Variants in RPRML observed in about 807,000 individuals in gnomAD.
RPRML encodes reprimo-like protein.
Under a neutral mutation model 5.2 loss-of-function variants are expected in RPRML, and 4 were observed. That is an observed-to-expected ratio of 0.77 (90% CI 0.38 to 1.76). RPRML has a LOEUF of 1.76. Among genes scored for constraint, RPRML ranks in the 40% most tolerant of loss-of-function variants. The probability of loss-of-function intolerance (pLI) is 0.04; values close to 1 mark genes in which losing one functional copy is unlikely to be tolerated. For synonymous variants in RPRML, 79 were observed against 89.1 expected, an observed-to-expected ratio of 0.89 and a Z score of 0.64; for missense variants, 181 against 177.7, an observed-to-expected ratio of 1.02 and a Z score of -0.11.
At position 46,978,963 on chromosome 17, in the gene RPRML, G is replaced by GTCCACCTCC; in HGVS notation, c.36_44dup (p.Glu12_Val14dup). 6.9e-7 allele frequency: 1 copy of GTCCACCTCC among 1,452,082 alleles called. No individual in the cohort carries two copies. Among genetic ancestry groups the GTCCACCTCC allele is most frequent in the Non-Finnish European group, 9.0e-7 (1 of 1,111,900 alleles). The allele number at this position is 1,452,082 out of a possible 1,614,324, so 89.9% of individuals were successfully genotyped here. The stretch of plus-strand genomic sequence containing the variant: ...CGGCCCCGGCGCCGCCGCCCACGCC[G>GTCCACCTCC]TCCACCTCCTCCAAGCCGCTGTGGT... On this transcript the variant is annotated inframe_insertion, in exon 1 of 1. Coordinates refer to ENST00000322329, the MANE Select transcript of RPRML (RefSeq NM_203400.5).
Position 46,978,846 on chromosome 17 carries a change from C to T in RPRML, c.162G>A (p.Gly54=), listed in dbSNP as rs994939215. Residue 54 remains glycine, a synonymous_variant, in exon 1 of 1, where the codon GGG becomes GGA. Coordinates refer to ENST00000322329, the MANE Select transcript of RPRML (RefSeq NM_203400.5). The part of the protein sequence containing the change: ...PLAASDGVPA[G]LAPDERSLWV... The stretch of plus-strand genomic sequence containing the variant: ...ACAGGCTGCGCTCGTCGGGCGCCAG[C>T]CCCGCGGGGACCCCGTCGCTGGCGG... The T allele has an allele frequency of 4.8e-5, 76 of 1,597,136 alleles. No individual in the cohort carries two copies. The highest frequency in any genetic ancestry group is 6.4e-5 in the Non-Finnish European group (75 of 1,173,572).
chr17:46,978,686 G>A lies in RPRML; in HGVS notation c.322C>T (p.Pro108Ser). Residue 108 changes from proline to serine, a missense_variant, in exon 1 of 1, where the codon CCC becomes TCC. Transcript: ENST00000322329. ...ATGGCTGCGCCCACGTCCTTGGAGG[G>A]CCGGCGCTCCTGCACCAGAAAGTTG... The part of the protein sequence containing the change: ...MINFLVQERR[P>S]SKDVGAAILG... 6.2e-7 allele frequency: 1 copy of A among 1,610,910 alleles called. No homozygotes were observed.
Position 46,979,144 on chromosome 17 carries a change from G to C in RPRML, c.-137C>G. The stretch of plus-strand genomic sequence containing the variant: ...GGGGAGGGGACGAAGGCGGGAGGCT[G>C]GCTGCCTGCGCGCTCTCGGGCCGCC... On this transcript the variant is annotated 5_prime_UTR_variant, in exon 1 of 1. Transcript: ENST00000322329. The C allele has an allele frequency of 1.0e-6, 1 of 957,848 alleles. No individual in the cohort carries two copies. The highest frequency in any genetic ancestry group is 3.4e-5 in the East Asian group (1 of 29,044). The allele number at this position is 957,848 out of a possible 1,614,324, so 59.3% of individuals were successfully genotyped here. A position where few individuals can be genotyped will look rare whatever the true frequency, so the allele number is the denominator to read the frequency against.
rs1368220123 is a variant in RPRML, at chr17:46,978,840, C to T, written c.168G>A (p.Ala56=). 3 of 1,600,954 alleles carry T rather than the reference C, an allele frequency of 1.9e-6. No individual in the cohort carries two copies. The highest frequency in any genetic ancestry group is 1.4e-5 in the African/African-American group (1 of 73,950). The change falls in exon 1 of 1, where the codon GCG becomes GCA. Residue 56 remains alanine, a synonymous_variant. Transcript: ENST00000322329. ...AASDGVPAGL[A]PDERSLWVSR... ...ACACCCACAGGCTGCGCTCGTCGGG[C>T]GCCAGCCCCGCGGGGACCCCGTCGC...
Position 46,978,405 on chromosome 17 carries a change from G to GT in RPRML, c.*239dup, listed in dbSNP as rs1168393199. ...AAAAACAAACAAACAAAAAAAACTGGTAAGAACCCTCACCCCACATTCTCC... is the reference window on the plus strand; with the variant it reads ...AAAAACAAACAAACAAAAAAAACTGGTTAAGAACCCTCACCCCACATTCTCC... On this transcript the variant is annotated 3_prime_UTR_variant, in exon 1 of 1. Coordinates refer to ENST00000322329, the MANE Select transcript of RPRML (RefSeq NM_203400.5). 16 of 491,818 alleles carry GT rather than the reference G, an allele frequency of 3.3e-5. No homozygotes were observed. Among genetic ancestry groups the GT allele is most frequent in the Non-Finnish European group, 5.6e-5 (16 of 286,640 alleles). 30.5% of individuals were successfully genotyped at this position (491,818 alleles called of 1,614,324 possible).
chr17:46,978,344 C>A lies in RPRML; in HGVS notation c.*301G>T. ...GAGCGACCGCAGTCCCAAATTGCAT[C>A]TCCATACCCACTCCCACCCTGCCCC... is the stretch of plus-strand genomic sequence containing the variant. On this transcript the variant is annotated 3_prime_UTR_variant, in exon 1 of 1. Transcript: ENST00000322329. 2.4e-6 allele frequency: 1 copy of A among 409,106 alleles called. No homozygotes were observed. The highest frequency in any genetic ancestry group is 4.3e-6 in the Non-Finnish European group (1 of 230,614). 25.3% of individuals were successfully genotyped at this position (409,106 alleles called of 1,614,324 possible).
chr17:46,978,937 G>C lies in RPRML; in HGVS notation c.71C>G (p.Ala24Gly), dbSNP rs1407707880. 6.9e-7 allele frequency: 1 copy of C among 1,455,764 alleles called. No individual in the cohort carries two copies. The highest frequency in any genetic ancestry group is 9.0e-7 in the Non-Finnish European group (1 of 1,112,762). 90.2% of individuals were successfully genotyped at this position (1,455,764 alleles called of 1,614,324 possible). The change falls in exon 1 of 1, where the codon GCC (alanine) becomes GGC (glycine). Residue 24 changes from alanine to glycine, a missense_variant. Coordinates refer to ENST00000322329, the MANE Select transcript of RPRML (RefSeq NM_203400.5). ...VDGVGGGAGA[A>G]LGNRTHGLGT... ...CAGCCCGTGGGTGCGGTTTCCCAGG[G>C]CGGCCCCGGCGCCGCCGCCCACGCC...
chr17:46,979,033 C>G lies in RPRML; in HGVS notation c.-26G>C. 3 of 1,384,988 alleles carry G rather than the reference C, an allele frequency of 2.2e-6. No homozygotes were observed. The highest frequency in any genetic ancestry group is 7.7e-5 in the Admixed American group (2 of 25,934). The allele number at this position is 1,384,988 out of a possible 1,614,324, so 85.8% of individuals were successfully genotyped here. A position where few individuals can be genotyped will look rare whatever the true frequency, so the allele number is the denominator to read the frequency against. On this transcript the variant is annotated 5_prime_UTR_variant, in exon 1 of 1. Transcript: ENST00000322329. ...CGCCGCGCGGCGCCGGGGGTCTCGGCGCGCAGTCCCGGGTGCACTGGGCTG... is the reference window on the plus strand; with the variant it reads ...CGCCGCGCGGCGCCGGGGGTCTCGGGGCGCAGTCCCGGGTGCACTGGGCTG...
rs919820309 is a variant in RPRML, at chr17:46,978,178, C to A, written c.*467G>T. The A allele has an allele frequency of 9.5e-5, 17 of 179,340 alleles. No homozygotes were observed. Among genetic ancestry groups the A allele is most frequent in the East Asian group, 1.8e-4 (1 of 5,408 alleles). 11.1% of individuals were successfully genotyped at this position (179,340 alleles called of 1,614,324 possible). ...GGGTGGGAAGCTGCCTGAAGCCCTA[C>A]GGCTGCAGTTTTATTACAAGATTTC... On this transcript the variant is annotated 3_prime_UTR_variant, in exon 1 of 1. Coordinates refer to ENST00000322329, the MANE Select transcript of RPRML (RefSeq NM_203400.5).
At position 46,978,664 on chromosome 17, in the gene RPRML, G is replaced by C; in HGVS notation, c.344C>G (p.Ala115Gly). The C allele has an allele frequency of 8.7e-6, 14 of 1,607,948 alleles. No homozygotes were observed. Among genetic ancestry groups the C allele is most frequent in the Non-Finnish European group, 1.2e-5 (14 of 1,177,824 alleles). Residue 115 changes from alanine (A) to glycine (G), a missense_variant, in exon 1 of 1, where the codon GCC (alanine) becomes GGC (glycine). Transcript: ENST00000322329. ...ERRPSKDVGA[A>G]ILGLY is the part of the protein sequence containing the mutation. Reference sequence around the variant, plus strand: ...TGGCGCTCAGTACAGCCCCAGGATGGCTGCGCCCACGTCCTTGGAGGGCCG... The same window carrying C: ...TGGCGCTCAGTACAGCCCCAGGATGCCTGCGCCCACGTCCTTGGAGGGCCG...
Position 46,978,984 on chromosome 17 carries a change from G to T in RPRML, c.24C>A (p.His8Gln), listed in dbSNP as rs2091469587. 2.1e-6 allele frequency: 3 copies of T among 1,444,996 alleles called. No individual in the cohort carries two copies. Among genetic ancestry groups the T allele is most frequent in the South Asian group, 1.4e-5 (1 of 73,098 alleles). 89.5% of individuals were successfully genotyped at this position (1,444,996 alleles called of 1,614,324 possible). The change falls in exon 1 of 1, where the codon CAC (histidine) becomes CAA (glutamine). Residue 8 changes from histidine (H) to glutamine (Q), a missense_variant. Physicochemically the swap from His to Gln is conservative, Grantham distance 24. Coordinates refer to ENST00000322329, the MANE Select transcript of RPRML (RefSeq NM_203400.5). MNATFLN[H>Q]SGLEEVDGVG... ...CGCCGTCCACCTCCTCCAAGCCGCT[G>T]TGGTTCAGGAAGGTCGCGTTCATCG...
chr17:46,978,952 C>A lies in RPRML; in HGVS notation c.56G>T (p.Gly19Val). Reference sequence around the variant, plus strand: ...GTTTCCCAGGGCGGCCCCGGCGCCGCCGCCCACGCCGTCCACCTCCTCCAA... The same window carrying A: ...GTTTCCCAGGGCGGCCCCGGCGCCGACGCCCACGCCGTCCACCTCCTCCAA... ...SGLEEVDGVG[G>V]GAGAALGNRT... The change falls in exon 1 of 1, where the codon GGC (glycine) becomes GTC (valine). Residue 19 changes from glycine to valine, a missense_variant. By Grantham distance (109) the Gly-to-Val change is moderately radical. Transcript: ENST00000322329. The A allele has an allele frequency of 6.9e-7, 1 of 1,454,070 alleles. No homozygotes were observed. The allele number at this position is 1,454,070 out of a possible 1,614,324, so 90.1% of individuals were successfully genotyped here. A position where few individuals can be genotyped will look rare whatever the true frequency, so the allele number is the denominator to read the frequency against.
At position 46,979,223 on chromosome 17, in the gene RPRML, G is replaced by A; in HGVS notation, c.-216C>T. On this transcript the variant is annotated 5_prime_UTR_variant, in exon 1 of 1. Transcript: ENST00000322329. Reference sequence around the variant, plus strand: ...CGCCCGGAGGAGCGAGCAACAGGCGGCGCAGGAGCTGGAGCCGGAGAACCT... The same window carrying A: ...CGCCCGGAGGAGCGAGCAACAGGCGACGCAGGAGCTGGAGCCGGAGAACCT... 1 of 431,102 alleles carries A rather than the reference G, an allele frequency of 2.3e-6. No homozygotes were observed. The highest frequency in any genetic ancestry group is 4.1e-6 in the Non-Finnish European group (1 of 243,692). 26.7% of individuals were successfully genotyped at this position (431,102 alleles called of 1,614,324 possible).
In RPRML at chr17:46,978,843, C is replaced by T; in HGVS notation, c.165G>A (p.Leu55=). ...CCCACAGGCTGCGCTCGTCGGGCGC[C>T]AGCCCCGCGGGGACCCCGTCGCTGG... ...LAASDGVPAG[L]APDERSLWVS... The change falls in exon 1 of 1, where the codon CTG becomes CTA. Residue 55 remains leucine, a synonymous_variant. Transcript: ENST00000322329. 1 of 1,600,654 alleles carries T rather than the reference C, an allele frequency of 6.2e-7. No homozygotes were observed. Among genetic ancestry groups the T allele is most frequent in the South Asian group, 1.1e-5 (1 of 89,594 alleles).
rs959252146 is a variant in RPRML, at chr17:46,978,544, C to A, written c.*101G>T. On this transcript the variant is annotated 3_prime_UTR_variant, in exon 1 of 1. Coordinates refer to ENST00000322329, the MANE Select transcript of RPRML (RefSeq NM_203400.5). ...CCCGGGCGCCCCAGGCACGTAGCTG[C>A]CCGCCCGGAGGCGGCGGCAGAGCGC... 7.0e-6 allele frequency: 10 copies of A among 1,421,288 alleles called. No homozygotes were observed. Among genetic ancestry groups the A allele is most frequent in the Non-Finnish European group, 9.3e-6 (10 of 1,071,316 alleles). 88.0% of individuals were successfully genotyped at this position (1,421,288 alleles called of 1,614,324 possible).
Position 46,978,894 on chromosome 17 carries a change from G to T in RPRML, c.114C>A (p.Cys38Ter). 1 of 1,523,840 alleles carries T rather than the reference G, an allele frequency of 6.6e-7. No homozygotes were observed. 94.4% of individuals were successfully genotyped at this position (1,523,840 alleles called of 1,614,324 possible). ...CGGCCAGCGGTGCGCCCCCTGGACA[G>T]CAGCCCAGCCACGTGCCCAGCCCGT... ...RTHGLGTWLG[C>*]CPGGAPLAAS... Residue 38 changes from cysteine (C) to a stop codon, truncating the protein, a stop_gained, in exon 1 of 1, where the codon TGC (cysteine) becomes TGA (stop). Coordinates refer to ENST00000322329, the MANE Select transcript of RPRML (RefSeq NM_203400.5). LOFTEE classifies it high-confidence loss of function.
At position 46,978,348 on chromosome 17, in the gene RPRML, A is replaced by G. The variant is rs998807932; in HGVS notation, c.*297T>C. On this transcript the variant is annotated 3_prime_UTR_variant, in exon 1 of 1. Transcript: ENST00000322329. The stretch of plus-strand genomic sequence containing the variant: ...GACCGCAGTCCCAAATTGCATCTCC[A>G]TACCCACTCCCACCCTGCCCCGAAC... 1.7e-5 allele frequency: 7 copies of G among 421,210 alleles called. No homozygotes were observed. Among genetic ancestry groups the G allele is most frequent in the African/African-American group, 4.3e-5 (2 of 46,906 alleles). The allele number at this position is 421,210 out of a possible 1,614,324, so 26.1% of individuals were successfully genotyped here.
In RPRML at chr17:46,978,812, G is replaced by T. The variant is rs370389910; in HGVS notation, c.196C>A (p.Arg66=). Reference sequence around the variant, plus strand: ...CAGAGCACGGCGATCTGCGCCACCCGCGACACCCACAGGCTGCGCTCGTCG... The same window carrying T: ...CAGAGCACGGCGATCTGCGCCACCCTCGACACCCACAGGCTGCGCTCGTCG... The part of the protein sequence containing the change: ...APDERSLWVS[R]VAQIAVLCVL... The change falls in exon 1 of 1, where the codon CGG becomes AGG. Residue 66 remains arginine (R), a synonymous_variant. Coordinates refer to ENST00000322329, the MANE Select transcript of RPRML (RefSeq NM_203400.5). 2 of 1,610,710 alleles carry T rather than the reference G, an allele frequency of 1.2e-6. No homozygotes were observed. Among genetic ancestry groups the T allele is most frequent in the African/African-American group, 2.7e-5 (2 of 74,774 alleles).
chr17:46,978,906 C>A lies in RPRML; in HGVS notation c.102G>T (p.Thr34=). ...ALGNRTHGLG[T]WLGCCPGGAP... ...CGCCCCCTGGACAGCAGCCCAGCCA[C>A]GTGCCCAGCCCGTGGGTGCGGTTTC... is the stretch of plus-strand genomic sequence containing the variant. The change falls in exon 1 of 1, where the codon ACG becomes ACT. Residue 34 remains threonine, a synonymous_variant. Transcript: ENST00000322329. The A allele has an allele frequency of 2.0e-6, 3 of 1,475,078 alleles. No homozygotes were observed. Among genetic ancestry groups the A allele is most frequent in the Non-Finnish European group, 2.7e-6 (3 of 1,122,024 alleles). 91.4% of individuals were successfully genotyped at this position (1,475,078 alleles called of 1,614,324 possible).
Sources: gnomAD v4.1 joint callset for allele counts on GRCh38, gnomAD v4.1.1 for gene constraint, MANE v1.5 for transcripts, NCBI Gene and HGNC (gene_info 2026-07-23, HGNC 2026-07-21) for gene names.